Variants in PRDM4 observed in about 807,000 individuals in gnomAD.
PRDM4 encodes the protein PR/SET domain 4.
In PRDM4, 38 loss-of-function variants were observed where a neutral mutation model predicts 62.3. The ratio of observed to expected loss-of-function variants is 0.61; its 90% CI spans 0.47 to 0.80. The LOEUF (loss-of-function observed/expected upper bound fraction) is 0.80. Ranked by LOEUF, PRDM4 falls within the 30% of genes least tolerant of loss-of-function variation. PRDM4 has a pLI of 0.00. For missense variants in PRDM4, 858 were observed against 997.1 expected (o/e 0.86, Z 1.88); for synonymous variants, 339 against 348.2 (o/e 0.97, Z 0.30).
At chr12:107,742,545 G>A (rs1411499406) in intron 8 of PRDM4, 197 bp from the exon 9 acceptor site, 3 of 588,626 alleles carry the variant, frequency 5.1e-6, no homozygotes, top group African/African-American at 3.8e-5. Context: ...CAACATATTA[G>A]CTGATGACCT....
At chr12:107,756,191 C>T (rs970862186) in intron 3 of PRDM4, among the ~76,000 whole-genome samples, 2 of 152,024 alleles carry the variant, frequency 1.3e-5, no homozygotes, top group Non-Finnish European at 2.9e-5. Flanking sequence ...ACCCGGGAGG[C>T]GGAGGTTGCA....
At chr12:107,747,723 T>C (rs1211812765) in intron 5 of PRDM4, among the ~76,000 whole-genome samples, 1 of 152,176 alleles carries the variant, frequency 6.6e-6, no homozygotes, top group Non-Finnish European at 1.5e-5. Flanking sequence ...TACTCAATCA[T>C]TACATTTAAA....
At position 107,742,225 on chromosome 12, in the gene PRDM4, C is replaced by T; in HGVS notation, c.1605G>A (p.Gln535=). The T allele has an allele frequency of 1.2e-6, 2 of 1,612,648 alleles. No individual in the cohort carries two copies. The highest frequency in any genetic ancestry group is 1.7e-6 in the Non-Finnish European group (2 of 1,179,218). ...LFYYSRDYAQ[Q]IGVPEHPDVH... is the part of the protein sequence containing the mutation. ...TATAAACACATATTAACTTACCAAT[C>T]TGTTGAGCATAATCTCGGCTATAAT... The change falls in exon 9 of 12, where the codon CAG becomes CAA. Residue 535 remains glutamine, a synonymous_variant. Coordinates refer to ENST00000228437, the MANE Select transcript of PRDM4 (RefSeq NM_012406.4).
chr12:107,754,565 T>C (rs1311039787), intron 3 of PRDM4, among the ~76,000 whole-genome samples: 4 of 152,106 alleles, frequency 2.6e-5, no homozygotes, highest in Non-Finnish European at 5.9e-5. Context: ...GTATTTTTGC[T>C]AGAGACAGGG....
rs187970828 is a variant in PRDM4 at position 107,742,513 on chromosome 12, T to C, written c.1482-165A>G. The C allele has an allele frequency of 1.2e-4, 85 of 738,590 alleles. No individual in the cohort carries two copies. The East Asian group carries it at 2.3e-3, about 20-fold the overall frequency. 45.8% of individuals were successfully genotyped at this position (738,590 alleles called of 1,614,324 possible). ...CGTCCTATCTATGAGAAGGCAGTTG[T>C]AGAGAAACAGAATTCTTACTTCAAC... On this transcript the variant is annotated intron_variant, in intron 8 of 11. Transcript: ENST00000228437.
intron 11 of PRDM4, 37 bp from the exon 12 acceptor site, chr12:107,734,559 T>C (rs1172751130): frequency 6.4e-7 from 1 of 1,567,488 alleles, no homozygotes. Flanking sequence ...TGATTTGGGG[T>C]TACAAATAAC....
Position 107,760,938 on chromosome 12 carries a change from G to C in PRDM4, c.-257+19C>G, listed in dbSNP as rs1434947120. ...CGCCGCGCCCCGCCCCGCTCCGGCCGGGCCCGCGCGCAGCCCACCTGCCAG... is the reference window on the plus strand; with the variant it reads ...CGCCGCGCCCCGCCCCGCTCCGGCCCGGCCCGCGCGCAGCCCACCTGCCAG... On this transcript the variant is annotated intron_variant, in intron 1 of 11. Transcript: ENST00000228437. 7.7e-5 allele frequency: 11 copies of C among 143,058 alleles called. No individual in the cohort carries two copies. Among genetic ancestry groups the C allele is most frequent in the African/African-American group, 2.4e-4 (9 of 38,286 alleles). The allele number at this position is 143,058 out of a possible 1,614,324, so 8.9% of individuals were successfully genotyped here. A position where few individuals can be genotyped will look rare whatever the true frequency, so the allele number is the denominator to read the frequency against.
Position 107,751,904 on chromosome 12 carries a change from G to A in PRDM4, c.637C>T (p.Leu213Phe). The change falls in exon 5 of 12, where the codon CTT becomes TTT. Residue 213 changes from leucine to phenylalanine, a missense_variant. Around this residue, in one of 3 missense-constraint regions of PRDM4, gnomAD observed 499 missense variants for 546.7 expected, o/e 0.91. Transcript: ENST00000228437. Reference sequence around the variant, plus strand: ...TCGCCTGCAACACCGTCCATCGTAAGCTCCTCTGCCATTCCATCTGTCGAA... The same window carrying A: ...TCGCCTGCAACACCGTCCATCGTAAACTCCTCTGCCATTCCATCTGTCGAA... Reference protein sequence around the residue: ...PISTDGMAEELTMDGVAGEHS... With the variant: ...PISTDGMAEEFTMDGVAGEHS... 6.2e-7 allele frequency: 1 copy of A among 1,614,208 alleles called. No homozygotes were observed.
intron 10 of PRDM4, 145 bp downstream of exon 10, chr12:107,740,801 C>T (rs1890493293): frequency 3.7e-6 from 3 of 802,814 alleles, no homozygotes; most frequent in Non-Finnish European, 5.8e-6. Flanking sequence ...GAAGTGACAG[C>T]CTCCAAGGAA....
chr12:107,757,774 G>T (rs1891107883), intron 2 of PRDM4, among the ~76,000 whole-genome samples: 1 of 152,074 alleles, frequency 6.6e-6, no homozygotes, highest in Non-Finnish European at 1.5e-5. Context: ...TTTTGGCAAG[G>T]TGAAGAACCT....
chr12:107,734,497 A>T lies in PRDM4; in HGVS notation c.2119T>A (p.Cys707Ser), dbSNP rs1890265835. Residue 707 changes from cysteine to serine, a missense_variant, in exon 12 of 12, where the codon TGT becomes AGT. Around this residue, in one of 3 missense-constraint regions of PRDM4, gnomAD observed 355 missense variants for 432.6 expected, o/e 0.82. Coordinates refer to ENST00000228437, the MANE Select transcript of PRDM4 (RefSeq NM_012406.4). ...TQERQIKCPK[C>S]DKLFLRTNHL... is the part of the protein sequence containing the mutation. ...TTTGTTCTCAAGAACAGCTTATCAC[A>T]CTTGGGACACTTGATCTGGCGTTCT... 1.2e-6 allele frequency: 2 copies of T among 1,612,558 alleles called. No homozygotes were observed. Among genetic ancestry groups the T allele is most frequent in the Non-Finnish European group, 1.7e-6 (2 of 1,178,872 alleles).
chr12:107,739,583 G>C, intron 10 of PRDM4, 32 bp from the exon 11 acceptor site: 1 of 1,594,816 alleles, frequency 6.3e-7, no homozygotes. Flanking sequence ...ACACCGTGAA[G>C]AAAACAACTG....
rs1891218536 is a variant in PRDM4, at chr12:107,760,736, TTCCG to T, written c.-225_-222del. The T allele has an allele frequency of 1.8e-6, 1 of 564,456 alleles. No homozygotes were observed. Among genetic ancestry groups the T allele is most frequent in the African/African-American group, 1.9e-5 (1 of 51,764 alleles). 35.0% of individuals were successfully genotyped at this position (564,456 alleles called of 1,614,324 possible). A position where few individuals can be genotyped will look rare whatever the true frequency, so the allele number is the denominator to read the frequency against. Reference sequence around the variant, plus strand: ...GGCATCTCGGGGAACACCTGGGGCCTTCCGTCCAGAAGCTTCGGGAAGGGGGCTG... The same window carrying T: ...GGCATCTCGGGGAACACCTGGGGCCTTCCAGAAGCTTCGGGAAGGGGGCTG... On this transcript the variant is annotated 5_prime_UTR_variant, in exon 2 of 12. The change abolishes the stop of an existing upstream ORF in the 5' untranslated region. Coordinates refer to ENST00000228437, the MANE Select transcript of PRDM4 (RefSeq NM_012406.4).
chr12:107,757,084 C>G, intron 2 of PRDM4, 119 bp from the exon 3 acceptor site: 1 of 948,470 alleles, frequency 1.1e-6, no homozygotes, highest in South Asian at 1.6e-5. Flanking sequence ...ACTATTAGTT[C>G]ACTTTTACGC....
chr12:107,737,721 A>C (rs539447206), intron 11 of PRDM4, among the ~76,000 whole-genome samples: 82 of 152,314 alleles, frequency 5.4e-4, no homozygotes, highest in Non-Finnish European at 1.0e-3. Context: ...TTAAAATACC[A>C]AGGCCAGAGC....
intron 3 of PRDM4, 41 bp from the exon 4 acceptor site, chr12:107,754,150 G>A: frequency 6.8e-7 from 1 of 1,463,592 alleles, no homozygotes; most frequent in Non-Finnish European, 9.3e-7. Context: ...AAGAAAATAG[G>A]TAATTAAAAA....
chr12:107,742,483 T>C (rs1890549345), intron 8 of PRDM4, 135 bp from the exon 9 acceptor site: 6 of 1,024,776 alleles, frequency 5.9e-6, no homozygotes, highest in Non-Finnish European at 7.2e-6. Flanking sequence ...GTTTTTGTAA[T>C]TTCCCGTCCT....
At chr12:107,740,850 A>C in intron 10 of PRDM4, 96 bp downstream of exon 10, 1 of 1,293,834 alleles carries the variant, frequency 7.7e-7, no homozygotes, top group Non-Finnish European at 1.1e-6. Flanking sequence ...TCTGACATCA[A>C]ATCTCAACTC....
intron 7 of PRDM4, 106 bp downstream of exon 7, chr12:107,744,437 T>C: frequency 4.0e-6 from 5 of 1,246,160 alleles, no homozygotes; most frequent in Non-Finnish European, 5.6e-6. Context: ...GACCAGTGAA[T>C]GGCACTGTAT....
Sources: allele counts gnomAD v4.1 joint callset (sites outside exome capture counted in the v4.1 genomes callset), GRCh38; gene constraint gnomAD v4.1.1; regional missense constraint gnomAD v4.1.1; transcripts MANE v1.5; gene names NCBI Gene and HGNC (gene_info 2026-07-23, HGNC 2026-07-21).